The following CSMD1 variants were observed in gnomAD, a reference collection of about 807,000 sequenced individuals.
The protein encoded by CSMD1 is CUB and Sushi multiple domains 1, also known as CUB and sushi domain-containing protein 1.
CSMD1 carries 213 observed loss-of-function variants against 417.5 expected under a neutral mutation model. The observed-to-expected ratio is 0.51, with a 90% CI of 0.46 to 0.57. CSMD1 has a LOEUF of 0.57. Among genes scored for constraint, CSMD1 ranks in the 20% least tolerant of loss-of-function variants. The pLI is 0.00. For missense variants in CSMD1, 6,923 were observed against 4,529.7 expected, an observed-to-expected ratio of 1.53 and a Z score of -15.17; for synonymous variants, 2,862 against 1,736.8, an observed-to-expected ratio of 1.65 and a Z score of -16.11.
chr8:3,203,387 G>A (rs572017101), intron 31 of CSMD1, among the ~76,000 whole-genome samples: 2 of 152,226 alleles, frequency 1.3e-5, no homozygotes, highest in African/African-American at 2.4e-5. Context: ...TGCTATCTAC[G>A]CTGCTGCCGG....
chr8:4,044,373 G>C (rs376209542), intron 3 of CSMD1, among the ~76,000 whole-genome samples: 1 of 152,128 alleles, frequency 6.6e-6, no homozygotes, highest in Non-Finnish European at 1.5e-5. Context: ...TAAGAACCTT[G>C]TCTTAATAAG....
At chr8:2,997,405 T>C (rs1807007735) in intron 54 of CSMD1, among the ~76,000 whole-genome samples, 2 of 152,222 alleles carry the variant, frequency 1.3e-5, no homozygotes, top group Non-Finnish European at 2.9e-5. Context: ...GAGACATTGA[T>C]AAGTTCCTGG....
chr8:3,616,660 A>G (rs762180294), intron 8 of CSMD1, 50 bp downstream of exon 8: 105 of 1,184,472 alleles, frequency 8.9e-5, no homozygotes, highest in Middle Eastern at 3.9e-4. Context: ...CTGAAATAAT[A>G]TATGTCTTAA....
At chr8:4,679,254 T>C (rs554622658) in intron 1 of CSMD1, among the ~76,000 whole-genome samples, 220 of 152,318 alleles carry the variant, frequency 1.4e-3, no homozygotes, top group African/African-American at 5.1e-3. Flanking sequence ...GTCCAGCTGC[T>C]GACGTGAACA....
chr8:4,014,204 C>T (rs924294897), intron 4 of CSMD1, among the ~76,000 whole-genome samples: 2 of 152,262 alleles, frequency 1.3e-5, no homozygotes, highest in East Asian at 3.9e-4. Flanking sequence ...GCATAAACAA[C>T]ATTCCTAGAA....
chr8:4,295,650 A>G (rs1797634405), intron 3 of CSMD1, among the ~76,000 whole-genome samples: 1 of 145,298 alleles, frequency 6.9e-6, no homozygotes, highest in Non-Finnish European at 1.5e-5. Flanking sequence ...TAATATATAA[A>G]AATATAATCT....
At chr8:4,716,770 G>A (rs909053283) in intron 1 of CSMD1, among the ~76,000 whole-genome samples, 1 of 152,098 alleles carries the variant, frequency 6.6e-6, no homozygotes, top group Non-Finnish European at 1.5e-5. Context: ...AAACAAGTGT[G>A]GCAGGAAAGA....
At chr8:3,299,944 G>C (rs6981554) in intron 25 of CSMD1, among the ~76,000 whole-genome samples, 137,426 of 152,222 alleles carry the variant, frequency 0.9, 62,350 homozygotes, top group Middle Eastern at 0.95. Flanking sequence ...TATAAAAATT[G>C]AAATGTGCAA....
At chr8:4,898,270 C>G (rs908691922) in intron 1 of CSMD1, among the ~76,000 whole-genome samples, 2 of 152,030 alleles carry the variant, frequency 1.3e-5, no homozygotes, top group African/African-American at 4.8e-5. Context: ...CGTTTTAGGC[C>G]AAAAATAAAA....
intron 3 of CSMD1, among the ~76,000 whole-genome samples, chr8:4,117,058 C>A (rs973598701): frequency 6.6e-6 from 1 of 151,808 alleles, no homozygotes; most frequent in African/African-American, 2.4e-5. Flanking sequence ...CAGTAGTTAA[C>A]CAGAATGAAA....
At chr8:3,158,602 T>C (rs888622204) in intron 38 of CSMD1, among the ~76,000 whole-genome samples, 1 of 152,064 alleles carries the variant, frequency 6.6e-6, no homozygotes, top group South Asian at 2.1e-4. Context: ...AATTTTCCAC[T>C]TTCTACTTTA....
At chr8:3,649,499 A>G (rs1329446204) in intron 7 of CSMD1, among the ~76,000 whole-genome samples, 3 of 152,200 alleles carry the variant, frequency 2.0e-5, no homozygotes, top group African/African-American at 4.8e-5. Flanking sequence ...GAAATTTACA[A>G]TCATGGTGGA....
chr8:4,061,077 T>C (rs1166155315), intron 3 of CSMD1, among the ~76,000 whole-genome samples: 1 of 152,152 alleles, frequency 6.6e-6, no homozygotes, highest in Admixed American at 6.5e-5. Flanking sequence ...TTAATTTGTT[T>C]GTTGTATTAT....
chr8:3,487,832 T>A (rs900792570), intron 11 of CSMD1, among the ~76,000 whole-genome samples: 1 of 152,076 alleles, frequency 6.6e-6, no homozygotes, highest in African/African-American at 2.4e-5. Context: ...ATCGTAAAAA[T>A]CCTCAAGGCA....
At chr8:3,129,905 C>T (rs192175634) in intron 41 of CSMD1, among the ~76,000 whole-genome samples, 13 of 151,874 alleles carry the variant, frequency 8.6e-5, no homozygotes, top group East Asian at 7.8e-4. Context: ...CACCTGAGCC[C>T]GGGGGGCGGA....
chr8:4,879,756 G>A (rs928209625), intron 1 of CSMD1, among the ~76,000 whole-genome samples: 4 of 152,132 alleles, frequency 2.6e-5, no homozygotes, highest in East Asian at 1.9e-4. Context: ...TTATAGAACC[G>A]GAAATCTCAA....
At chr8:3,766,178 C>T (rs930828594) in intron 5 of CSMD1, among the ~76,000 whole-genome samples, 11 of 152,252 alleles carry the variant, frequency 7.2e-5, no homozygotes, top group Middle Eastern at 3.4e-3. Flanking sequence ...CTCCTGTCCA[C>T]GGAAGGGACA....
intron 10 of CSMD1, among the ~76,000 whole-genome samples, chr8:3,497,376 C>T (rs182588171): frequency 3.8e-4 from 57 of 151,912 alleles, no homozygotes; most frequent in Admixed American, 9.8e-4. Context: ...TTGTCTTTGT[C>T]TCATTTTACA....
intron 1 of CSMD1, among the ~76,000 whole-genome samples, chr8:4,835,591 T>C (rs1190887320): frequency 6.6e-6 from 1 of 152,168 alleles, no homozygotes; most frequent in Non-Finnish European, 1.5e-5. Flanking sequence ...CTAACACAAA[T>C]TTTATCTACA....
Sources: allele counts gnomAD v4.1 joint callset (sites outside exome capture counted in the v4.1 genomes callset), GRCh38; gene constraint gnomAD v4.1.1; transcripts MANE v1.5; gene names NCBI Gene and HGNC (gene_info 2026-07-23, HGNC 2026-07-21).